RUFY3: variants seen among roughly 807,000 people sequenced by gnomAD.
RUFY3 encodes the protein RUN and FYVE domain containing 3.
RUFY3 carries 34 observed loss-of-function variants against 84.0 expected under a neutral mutation model. The ratio of observed to expected loss-of-function variants is 0.40; its 90% CI spans 0.31 to 0.54. RUFY3 has a LOEUF of 0.54. Ranked by LOEUF, RUFY3 falls within the 20% of genes least tolerant of loss-of-function variation. RUFY3 has a pLI of 0.39. For synonymous variants in RUFY3, 242 were observed against 252.9 expected (o/e 0.96, Z 0.41); for missense variants, 507 against 736.8 (o/e 0.69, Z 3.61).
At position 70,759,372 on chromosome 4, in the gene RUFY3, ATGTGTG is replaced by A. The variant is rs56698934; in HGVS notation, c.179-3123_179-3118del. ...TGGCTGAATTTGTGTGTGTGTGTGT[ATGTGTG>A]TGTGTGTGTGTGTGTGTGTGTGTAT... is the stretch of plus-strand genomic sequence containing the variant. On this transcript the variant is annotated intron_variant, in intron 1 of 17. Coordinates refer to ENST00000381006, the MANE Select transcript of RUFY3 (RefSeq NM_001037442.4). 6.1e-3 allele frequency among the ~76,000 whole-genome samples: 898 copies of A among 146,952 alleles called. 2 individuals are homozygous for A. The highest frequency in any genetic ancestry group is 0.01 in the Middle Eastern group (3 of 288).
intron 16 of RUFY3, 28 bp downstream of exon 16, chr4:70,803,011 C>G (rs755437498): frequency 6.3e-7 from 1 of 1,586,840 alleles, no homozygotes; most frequent in Admixed American, 1.7e-5. Context: ...TTCAAAACAT[C>G]TTGTATGAAT....
At chr4:70,738,305 CT>C (rs1720726421) in intron 1 of RUFY3, among the ~76,000 whole-genome samples, 1 of 145,766 alleles carries the variant, frequency 6.9e-6, no homozygotes, top group South Asian at 2.2e-4. Flanking sequence ...CCTTGTAAAG[CT>C]TATGTCATAC....
intron 1 of RUFY3, among the ~76,000 whole-genome samples, chr4:70,736,117 G>C (rs1289633162): frequency 6.7e-6 from 1 of 148,828 alleles, no homozygotes; most frequent in Non-Finnish European, 1.5e-5. Flanking sequence ...TTGCGCCACA[G>C]TGCTCCACTG....
chr4:70,713,556 C>T (rs1021351034), intron 1 of RUFY3, among the ~76,000 whole-genome samples: 1 of 133,254 alleles, frequency 7.5e-6, no homozygotes. Context: ...AGTGGTGGGG[C>T]GGGGGTGGGA....
At chr4:70,804,762 A>C (rs1732653310) in intron 17 of RUFY3, among the ~76,000 whole-genome samples, 2 of 71,148 alleles carry the variant, frequency 2.8e-5, no homozygotes, top group African/African-American at 1.5e-4. Context: ...CTAAAAATAC[A>C]AAAAAAAAAA....
chr4:70,796,081 C>T (rs1731463419), intron 14 of RUFY3, among the ~76,000 whole-genome samples: 1 of 152,066 alleles, frequency 6.6e-6, no homozygotes, highest in African/African-American at 2.4e-5. Flanking sequence ...AGTCTCTAGT[C>T]CCAGCTACTT....
chr4:70,750,026 G>A (rs1241960841), intron 1 of RUFY3, among the ~76,000 whole-genome samples: 1 of 150,432 alleles, frequency 6.6e-6, no homozygotes, highest in South Asian at 2.1e-4. Context: ...AAGAGACAGG[G>A]TCTCAACCCT....
intron 12 of RUFY3, among the ~76,000 whole-genome samples, chr4:70,790,563 T>A (rs964494363): frequency 6.6e-6 from 1 of 152,226 alleles, no homozygotes; most frequent in African/African-American, 2.4e-5. Context: ...CTGATACCTC[T>A]TTGCAGCTAG....
At chr4:70,743,798 A>T (rs1188527270) in intron 1 of RUFY3, among the ~76,000 whole-genome samples, 1 of 144,200 alleles carries the variant, frequency 6.9e-6, no homozygotes, top group Non-Finnish European at 1.5e-5. Flanking sequence ...AAAAGTAGTT[A>T]AAAAAAAAAA....
chr4:70,786,830 C>T (rs1729899086), intron 10 of RUFY3, among the ~76,000 whole-genome samples: 1 of 151,886 alleles, frequency 6.6e-6, no homozygotes, highest in African/African-American at 2.4e-5. Context: ...AGGACCTCCC[C>T]AGAATGTCTT....
rs533549332 is a variant in RUFY3, at chr4:70,707,442, C to T, written c.358+2148C>T. On this transcript the variant is annotated intron_variant, in intron 1 of 11. Transcript: ENST00000417478. ...AGTATTTTTAGTAGAGACGAGGTTT[C>T]ACCATGTTGGCCAGGCTGTTATCGA... Among the ~76,000 whole-genome samples the T allele has an allele frequency of 3.9e-5, 6 of 152,242 alleles. No individual in the cohort carries two copies. In the East Asian group the frequency reaches 1.2e-3, roughly 29 times the overall value.
chr4:70,765,603 A>C (rs1308655421), intron 4 of RUFY3, among the ~76,000 whole-genome samples: 1 of 152,182 alleles, frequency 6.6e-6, no homozygotes, highest in East Asian at 1.9e-4. Flanking sequence ...TTGGGACAAT[A>C]AACTGTCAAA....
chr4:70,716,466 A>G (rs1207982464), intron 1 of RUFY3, among the ~76,000 whole-genome samples: 2 of 152,108 alleles, frequency 1.3e-5, no homozygotes, highest in Non-Finnish European at 2.9e-5. Context: ...TTTTTTGTAC[A>G]TGCATTGGAA....
chr4:70,795,401 TA>T (rs770358541), intron 14 of RUFY3, among the ~76,000 whole-genome samples: 2 of 152,172 alleles, frequency 1.3e-5, no homozygotes, highest in African/African-American at 4.8e-5. Context: ...AGGAAGGTAA[TA>T]CAGAATAAAG....
intron 1 of RUFY3, among the ~76,000 whole-genome samples, chr4:70,739,480 T>C (rs189909418): frequency 6.6e-6 from 1 of 152,300 alleles, no homozygotes; most frequent in Admixed American, 6.5e-5. Context: ...ATGTGATGTG[T>C]CTGGGTTTGG....
At chr4:70,705,303 C>T in intron 1 of RUFY3, 1 of 1,388,828 alleles carries the variant, frequency 7.2e-7, no homozygotes, top group Non-Finnish European at 9.3e-7. Flanking sequence ...CCGTGAGTGG[C>T]GGAGGGGCAT....
chr4:70,708,384 C>T (rs558109480), intron 1 of RUFY3, among the ~76,000 whole-genome samples: 32 of 151,942 alleles, frequency 2.1e-4, no homozygotes, highest in African/African-American at 6.5e-4. Flanking sequence ...AGGCTGCTCT[C>T]GAACTAGACT....
chr4:70,795,989 G>A (rs1560570983), intron 14 of RUFY3, among the ~76,000 whole-genome samples: 1 of 152,198 alleles, frequency 6.6e-6, no homozygotes, highest in East Asian at 1.9e-4. Context: ...AGCTTTCCTG[G>A]GCATTTTTGT....
At chr4:70,766,467 A>G (rs901132457) in intron 4 of RUFY3, among the ~76,000 whole-genome samples, 1 of 150,482 alleles carries the variant, frequency 6.6e-6, no homozygotes, top group South Asian at 2.1e-4. Context: ...CTGGTCTTCA[A>G]CTCCTGACCT....
Sources: gnomAD v4.1 joint callset for allele counts (sites outside exome capture counted in the v4.1 genomes callset) on GRCh38, gnomAD v4.1.1 for gene constraint, MANE v1.5 for transcripts, NCBI Gene and HGNC (gene_info 2026-07-23, HGNC 2026-07-21) for gene names.